GPRC6A: variants seen among roughly 807,000 people sequenced by gnomAD.
GPRC6A encodes the protein G protein-coupled receptor family C group 6 member A.
Under a neutral mutation model 47.0 loss-of-function variants are expected in GPRC6A, and 54 were observed. That is an observed-to-expected ratio of 1.15 (90% CI 0.92 to 1.44). The LOEUF is 1.44. Among genes scored for constraint, GPRC6A ranks in the 40% most tolerant of loss-of-function variants. The pLI, the probability that GPRC6A is intolerant of heterozygous loss-of-function variation, is 0.00. For missense variants in GPRC6A, 1,112 were observed against 1,105.5 expected (o/e 1.01, Z -0.08); for synonymous variants, 347 against 377.1 (o/e 0.92, Z 0.93).
At chr6:116,799,966 C>T (rs963077457) in intron 4 of GPRC6A, among the ~76,000 whole-genome samples, 2 of 152,096 alleles carry the variant, frequency 1.3e-5, no homozygotes, top group African/African-American at 4.8e-5. Context: ...GAATTCTCTT[C>T]TGATGTTTCA....
At chr6:116,805,327 C>G (rs1772800960) in intron 3 of GPRC6A, among the ~76,000 whole-genome samples, 1 of 151,628 alleles carries the variant, frequency 6.6e-6, no homozygotes, top group Admixed American at 6.6e-5. Context: ...CTGGTCATAT[C>G]AGACCTCGAA....
intron 1 of GPRC6A, among the ~76,000 whole-genome samples, chr6:116,818,210 G>C (rs1364068851): frequency 2.0e-5 from 3 of 152,082 alleles, no homozygotes; most frequent in African/African-American, 4.8e-5. Flanking sequence ...AGCCAGAAGA[G>C]AGTGGGGGCC....
rs775549934 is a variant in GPRC6A, at chr6:116,807,194, A to T, written c.511T>A (p.Ser171Thr). ...LQLMPQVGYE[S>T]TAEILSDKIR... The stretch of plus-strand genomic sequence containing the variant: ...TTGTCACTCAGGATTTCTGCAGTTG[A>T]TTCATAACCCACCTGGAAATAGACA... Residue 171 changes from serine (S) to threonine (T), a missense_variant, in exon 3 of 6, where the codon TCA becomes ACA. Coordinates refer to ENST00000310357, the MANE Select transcript of GPRC6A (RefSeq NM_148963.4). The T allele has an allele frequency of 6.2e-7, 1 of 1,607,072 alleles. No homozygotes were observed. The highest frequency in any genetic ancestry group is 8.5e-7 in the Non-Finnish European group (1 of 1,174,534).
At chr6:116,825,116 C>A (rs935205938) in intron 1 of GPRC6A, among the ~76,000 whole-genome samples, 1 of 151,964 alleles carries the variant, frequency 6.6e-6, no homozygotes, top group Admixed American at 6.6e-5. Context: ...TATGACAAAC[C>A]CATAGTTAAC....
At chr6:116,799,986 G>T (rs1423692077) in intron 4 of GPRC6A, among the ~76,000 whole-genome samples, 3 of 152,058 alleles carry the variant, frequency 2.0e-5, no homozygotes, top group Admixed American at 2.0e-4. Context: ...AGTTTTGTTA[G>T]AACAGAAAAT....
chr6:116,795,982 G>A (rs1772475499), intron 4 of GPRC6A, 147 bp from the exon 5 acceptor site: 1 of 540,976 alleles, frequency 1.8e-6, no homozygotes, highest in Non-Finnish European at 3.2e-6. Context: ...TTGCCATCGT[G>A]GGAAATGTAA....
At chr6:116,797,686 A>G (rs1003314111) in intron 4 of GPRC6A, among the ~76,000 whole-genome samples, 6 of 152,210 alleles carry the variant, frequency 3.9e-5, no homozygotes, top group Non-Finnish European at 8.8e-5. Flanking sequence ...GAGTCTGGAG[A>G]TAAGTATTGA....
intron 1 of GPRC6A, among the ~76,000 whole-genome samples, chr6:116,817,007 G>T (rs958797036): frequency 4.1e-4 from 63 of 152,320 alleles, no homozygotes; most frequent in Admixed American, 3.5e-3. Flanking sequence ...CAAAGCAGCC[G>T]GGAAGCTTGA....
chr6:116,798,692 G>C (rs1378445597), intron 4 of GPRC6A, among the ~76,000 whole-genome samples: 1 of 151,866 alleles, frequency 6.6e-6, no homozygotes, highest in African/African-American at 2.4e-5. Context: ...AGACTAGCCT[G>C]GTCAACATGG....
At chr6:116,812,374 C>T (rs1773054680) in intron 1 of GPRC6A, among the ~76,000 whole-genome samples, 1 of 152,010 alleles carries the variant, frequency 6.6e-6, no homozygotes, top group Non-Finnish European at 1.5e-5. Context: ...CAAGGGAGTT[C>T]TATACTTGGA....
At chr6:116,822,835 A>G (rs1008559158) in intron 1 of GPRC6A, among the ~76,000 whole-genome samples, 2 of 150,694 alleles carry the variant, frequency 1.3e-5, no homozygotes, top group African/African-American at 4.9e-5. Flanking sequence ...CAATGTGCAC[A>G]TGTACCCTAA....
chr6:116,819,080 C>T (rs991979429), intron 1 of GPRC6A, among the ~76,000 whole-genome samples: 29 of 152,074 alleles, frequency 1.9e-4, no homozygotes, highest in Non-Finnish European at 2.8e-4. Flanking sequence ...AAAACAGACT[C>T]TAAACCAACA....
At position 116,824,789 on chromosome 6, in the gene GPRC6A, A is replaced by T. The variant is rs543666294; in HGVS notation, c.194+4031T>A. 2.6e-5 allele frequency among the ~76,000 whole-genome samples: 4 copies of T among 152,168 alleles called. No individual in the cohort carries two copies. The South Asian group carries it at 8.3e-4, about 32-fold the overall frequency. Reference sequence around the variant, plus strand: ...CCAAAACCAGATAAGGACACAATGAAAAAAGAAAACCATAGACCAATATCT... The same window carrying T: ...CCAAAACCAGATAAGGACACAATGATAAAAGAAAACCATAGACCAATATCT... On this transcript the variant is annotated intron_variant, in intron 1 of 5. Transcript: ENST00000310357.
intron 1 of GPRC6A, among the ~76,000 whole-genome samples, chr6:116,813,776 C>T (rs948050725): frequency 1.2e-4 from 19 of 152,072 alleles, no homozygotes; most frequent in Admixed American, 6.6e-4. Flanking sequence ...ATTAAACTAA[C>T]GAGCTTCTGC....
Position 116,809,378 on chromosome 6 carries a change from C to A in GPRC6A, c.434G>T (p.Gly145Val), listed in dbSNP as rs767566797. ...SYMPRVKAVIGSGYSEITMAV... is the reference protein window; with the variant it reads ...SYMPRVKAVIVSGYSEITMAV... Reference sequence around the variant, plus strand: ...CATAGTTATTTCTGAGTACCCAGAACCTATGACAGCCTTAACTCTTGGCAT... The same window carrying A: ...CATAGTTATTTCTGAGTACCCAGAAACTATGACAGCCTTAACTCTTGGCAT... The change falls in exon 2 of 6, where the codon GGT becomes GTT. Residue 145 changes from glycine (G) to valine (V), a missense_variant. Physicochemically the swap from Gly to Val is moderately radical, Grantham distance 109. Transcript: ENST00000310357. 1 of 1,613,478 alleles carries A rather than the reference C, an allele frequency of 6.2e-7. No homozygotes were observed. Among genetic ancestry groups the A allele is most frequent in the South Asian group, 1.1e-5 (1 of 91,066 alleles).
chr6:116,798,901 A>AG (rs1465606479), intron 4 of GPRC6A, among the ~76,000 whole-genome samples: 1 of 151,690 alleles, frequency 6.6e-6, no homozygotes, highest in African/African-American at 2.4e-5. Context: ...AAAAAAAAAA[A>AG]GAAACAGACC....
At chr6:116,813,544 T>TG (rs1773099596) in intron 1 of GPRC6A, among the ~76,000 whole-genome samples, 1 of 152,184 alleles carries the variant, frequency 6.6e-6, no homozygotes, top group African/African-American at 2.4e-5. Context: ...CTGGGAAAGC[T>TG]GGCTAGCCAT....
chr6:116,813,646 A>T (rs921962562), intron 1 of GPRC6A, among the ~76,000 whole-genome samples: 1 of 152,228 alleles, frequency 6.6e-6, no homozygotes, highest in African/African-American at 2.4e-5. Context: ...ACCTAAAACC[A>T]TAAAAACCCT....
intron 5 of GPRC6A, among the ~76,000 whole-genome samples, chr6:116,793,738 G>A (rs951452166): frequency 2.6e-5 from 4 of 152,048 alleles, no homozygotes; most frequent in African/African-American, 7.2e-5. Context: ...TTGTGATGCC[G>A]TACTTAATGA....
Sources: gnomAD v4.1 joint callset for allele counts (sites outside exome capture counted in the v4.1 genomes callset) on GRCh38, gnomAD v4.1.1 for gene constraint, MANE v1.5 for transcripts, NCBI Gene and HGNC (gene_info 2026-07-23, HGNC 2026-07-21) for gene names.